Variants in PPFIA2 observed in about 807,000 individuals in gnomAD.
PPFIA2 encodes liprin-alpha-2.
PPFIA2 carries 46 observed loss-of-function variants against 175.5 expected under a neutral mutation model. That is an observed-to-expected ratio of 0.26 (90% confidence interval 0.21 to 0.34). The LOEUF (loss-of-function observed/expected upper bound fraction) is 0.34. PPFIA2 is among the 10% of genes least tolerant of loss of function. The pLI is 1.00. For missense variants in PPFIA2, 1,179 were observed against 1,506.1 expected (o/e 0.78, Z 3.60); for synonymous variants, 568 against 511.4 (o/e 1.11, Z -1.49).
At chr12:81,452,337 C>T (rs1448919464) in intron 5 of PPFIA2, among the ~76,000 whole-genome samples, 2 of 152,166 alleles carry the variant, frequency 1.3e-5, no homozygotes, top group Non-Finnish European at 2.9e-5. Context: ...ACACATTCTT[C>T]CCTGTAGACT....
At position 81,491,898 on chromosome 12, in the gene PPFIA2, T is replaced by C. The variant is rs193069017; in HGVS notation, c.304-34032A>G. 3.3e-5 allele frequency among the ~76,000 whole-genome samples: 5 copies of C among 152,154 alleles called. No individual in the cohort carries two copies. In the East Asian group the frequency reaches 9.7e-4, roughly 29 times the overall value. ...GAAAGAATGTTTACAACATTTCTGC[T>C]GTTCAATTTAGCCTCACATCATTTC... On this transcript the variant is annotated intron_variant, in intron 4 of 32. Transcript: ENST00000549396.
chr12:81,558,387 G>A (rs773544774), intron 4 of PPFIA2, among the ~76,000 whole-genome samples: 3 of 151,990 alleles, frequency 2.0e-5, no homozygotes, highest in Non-Finnish European at 2.9e-5. Flanking sequence ...TTTATCCTAG[G>A]GCAACTATAT....
At chr12:81,487,591 C>A (rs2058970591) in intron 4 of PPFIA2, among the ~76,000 whole-genome samples, 1 of 151,728 alleles carries the variant, frequency 6.6e-6, no homozygotes, top group African/African-American at 2.4e-5. Flanking sequence ...TCTCCAAGTC[C>A]TGCCAATCTA....
At chr12:81,372,205 T>A (rs1280054033) in intron 11 of PPFIA2, among the ~76,000 whole-genome samples, 1 of 151,518 alleles carries the variant, frequency 6.6e-6, no homozygotes, top group Non-Finnish European at 1.5e-5. Context: ...TACTAAAGTT[T>A]TAGGATGAAC....
At chr12:81,529,520 C>G (rs539822361) in intron 4 of PPFIA2, among the ~76,000 whole-genome samples, 49 of 148,450 alleles carry the variant, frequency 3.3e-4, no homozygotes, top group Middle Eastern at 3.4e-3. Context: ...GAGAGAGAGA[C>G]ACACACACAC....
chr12:81,727,363 C>T (rs1322552043), intron 3 of PPFIA2, among the ~76,000 whole-genome samples: 1 of 151,352 alleles, frequency 6.6e-6, no homozygotes, highest in Non-Finnish European at 1.5e-5. Context: ...CTGTTTCGAA[C>T]ATTAATTTAC....
intron 8 of PPFIA2, among the ~76,000 whole-genome samples, chr12:81,397,224 G>C (rs1991780): frequency 1.3e-5 from 2 of 151,896 alleles, no homozygotes; most frequent in African/African-American, 2.4e-5. Context: ...AGAGAGTGTA[G>C]GTAGAGAACA....
chr12:81,649,859 A>G (rs1468715364), intron 4 of PPFIA2, among the ~76,000 whole-genome samples: 2 of 152,190 alleles, frequency 1.3e-5, no homozygotes, highest in African/African-American at 4.8e-5. Context: ...AAGTAGATCA[A>G]TGGTTGATAT....
At chr12:81,385,917 A>G (rs1356448927) in intron 8 of PPFIA2, among the ~76,000 whole-genome samples, 1 of 152,150 alleles carries the variant, frequency 6.6e-6, no homozygotes, top group Non-Finnish European at 1.5e-5. Context: ...ATCATTCCAC[A>G]TTGTATACAT....
chr12:81,643,020 AT>A (rs2065547939), intron 4 of PPFIA2, among the ~76,000 whole-genome samples: 2 of 147,536 alleles, frequency 1.4e-5, no homozygotes, highest in African/African-American at 4.9e-5. Context: ...TATAGTGTAT[AT>A]ATCTATGACA....
chr12:81,747,675 T>A (rs2083243237), intron 3 of PPFIA2, among the ~76,000 whole-genome samples: 1 of 144,334 alleles, frequency 6.9e-6, no homozygotes. Flanking sequence ...CAGTTTCTAT[T>A]ATTATTTGAA....
At chr12:81,274,551 A>G (rs1282172109) in intron 28 of PPFIA2, among the ~76,000 whole-genome samples, 1 of 152,016 alleles carries the variant, frequency 6.6e-6, no homozygotes, top group East Asian at 1.9e-4. Flanking sequence ...ATCTCTTTCC[A>G]TAAATCTGTT....
chr12:81,535,484 C>T (rs1359656481), intron 4 of PPFIA2: 2 of 455,036 alleles, frequency 4.4e-6, no homozygotes, highest in Admixed American at 4.7e-5. Context: ...CTCACTGTAG[C>T]AGGTGCCATG....
chr12:81,362,806 A>T (rs2031390234), intron 14 of PPFIA2, 22 bp from the exon 15 acceptor site: 1 of 1,421,064 alleles, frequency 7.0e-7, no homozygotes, highest in Admixed American at 2.0e-5. Context: ...AAACAGTGTT[A>T]CTCAGATGCC....
intron 4 of PPFIA2, among the ~76,000 whole-genome samples, chr12:81,562,779 G>A (rs1408883710): frequency 2.1e-5 from 3 of 142,164 alleles, no homozygotes; most frequent in East Asian, 2.1e-4. Context: ...CCCGGGAGGC[G>A]GAGCTTGCAG....
intron 4 of PPFIA2, among the ~76,000 whole-genome samples, chr12:81,650,024 T>C (rs939176283): frequency 7.9e-5 from 12 of 151,970 alleles, no homozygotes; most frequent in Admixed American, 2.0e-4. Context: ...TTTTTTTTTT[T>C]CCTGAGACGG....
In PPFIA2 at chr12:81,388,021, C is replaced by A. The variant is rs142892943; in HGVS notation, c.763-3777G>T. On this transcript the variant is annotated intron_variant, in intron 8 of 32. Transcript: ENST00000549396. ...ATGCACTCCAACATTCCCACATATT[C>A]GTAGCAGCACTTACCCCTTTTATTA... Among the ~76,000 whole-genome samples the A allele has an allele frequency of 6.9e-3, 1,055 of 152,214 alleles. 14 individuals are homozygous for A. Among genetic ancestry groups the A allele is most frequent in the African/African-American group, 0.024 (1,011 of 41,562 alleles).
rs566952653 is a variant in PPFIA2, at chr12:81,588,062, A to G, written c.303+88729T>C. 1.4e-4 allele frequency among the ~76,000 whole-genome samples: 21 copies of G among 152,136 alleles called. 1 individual carries two copies. In the South Asian group the frequency reaches 4.4e-3, roughly 32 times the overall value. Reference sequence around the variant, plus strand: ...TCCCAATCTAGTGGTGCAGAGAGACAAGCAAAAAACTAAGGGTAGTATAAT... The same window carrying G: ...TCCCAATCTAGTGGTGCAGAGAGACGAGCAAAAAACTAAGGGTAGTATAAT... On this transcript the variant is annotated intron_variant, in intron 4 of 32. Transcript: ENST00000549396.
At chr12:81,353,483 T>C (rs1167274619) in intron 16 of PPFIA2, 144 bp from the exon 17 acceptor site, 1 of 621,356 alleles carries the variant, frequency 1.6e-6, no homozygotes. Context: ...TTAATTTATT[T>C]GCTTCCATAA....
Sources: allele counts gnomAD v4.1 joint callset (sites outside exome capture counted in the v4.1 genomes callset), GRCh38; gene constraint gnomAD v4.1.1; transcripts MANE v1.5; gene names NCBI Gene and HGNC (gene_info 2026-07-23, HGNC 2026-07-21).